The following COP1 variants were observed in gnomAD, a reference collection of about 807,000 sequenced individuals.
The protein encoded by COP1 is COP1 E3 ubiquitin ligase.
In COP1, 24 loss-of-function variants were observed where a neutral mutation model predicts 101.3. The observed-to-expected ratio is 0.24, with a 90% CI of 0.17 to 0.33. The LOEUF (loss-of-function observed/expected upper bound fraction) is 0.33, where lower values mean the gene tolerates loss of function less well. Among genes scored for constraint, COP1 ranks in the 10% least tolerant of loss-of-function variants. The probability of loss-of-function intolerance (pLI) is 1.00; values close to 1 mark genes in which losing one functional copy is unlikely to be tolerated. For synonymous variants in COP1, 347 were observed against 341.9 expected (o/e 1.01, Z -0.17); for missense variants, 663 against 906.2 (o/e 0.73, Z 3.45).
At chr1:176,140,924 A>G (rs1170059744) in intron 6 of COP1, among the ~76,000 whole-genome samples, 1 of 152,172 alleles carries the variant, frequency 6.6e-6, no homozygotes, top group Admixed American at 6.5e-5. Flanking sequence ...CCAAAGCCCA[A>G]AGAAAACTTT....
At chr1:175,994,675 A>G (rs1659622682) in intron 15 of COP1, among the ~76,000 whole-genome samples, 1 of 152,244 alleles carries the variant, frequency 6.6e-6, no homozygotes, top group Non-Finnish European at 1.5e-5. Flanking sequence ...TAAAGAAATC[A>G]ATTCAACAAG....
chr1:176,008,065 G>A (rs558098183), intron 15 of COP1, among the ~76,000 whole-genome samples: 1 of 152,064 alleles, frequency 6.6e-6, no homozygotes, highest in Non-Finnish European at 1.5e-5. Flanking sequence ...TTTTTAAGCC[G>A]GTCGGAAAAG....
At position 175,998,083 on chromosome 1, in the gene COP1, A is replaced by G. The variant is rs1332058187; in HGVS notation, c.1730-8604T>C. Among the ~76,000 whole-genome samples the G allele has an allele frequency of 9.0e-5, 13 of 144,578 alleles. No individual in the cohort carries two copies. In the East Asian group the frequency reaches 1.6e-3, roughly 18 times the overall value. The allele number at this position is 144,578 out of a possible 152,430, so 94.8% of individuals were successfully genotyped here. A position where few individuals can be genotyped will look rare whatever the true frequency, so the allele number is the denominator to read the frequency against. On this transcript the variant is annotated intron_variant, in intron 15 of 19. Transcript: ENST00000367669. ...ATAATTAAAAAAAAAAAAAAAAAAAAAAAAAAAGAAAATGTGGCACATATA... is the reference window on the plus strand; with the variant it reads ...ATAATTAAAAAAAAAAAAAAAAAAAGAAAAAAAGAAAATGTGGCACATATA...
At chr1:176,025,242 G>A (rs1277310702) in intron 15 of COP1, among the ~76,000 whole-genome samples, 1 of 152,064 alleles carries the variant, frequency 6.6e-6, no homozygotes, top group Non-Finnish European at 1.5e-5. Flanking sequence ...AAATAGATGG[G>A]GGAGGATGCT....
intron 18 of COP1, among the ~76,000 whole-genome samples, chr1:175,955,926 A>C: frequency 6.6e-6 from 1 of 152,164 alleles, no homozygotes; most frequent in Non-Finnish European, 1.5e-5. Flanking sequence ...TTCTTCTTAC[A>C]TTATCTATAG....
At chr1:176,202,054 T>G (rs1033169104) in intron 1 of COP1, among the ~76,000 whole-genome samples, 1 of 152,182 alleles carries the variant, frequency 6.6e-6, no homozygotes, top group African/African-American at 2.4e-5. Context: ...CAGAGGAAAT[T>G]CAGTCCTATA....
intron 1 of COP1, among the ~76,000 whole-genome samples, chr1:176,202,327 C>T (rs893274692): frequency 6.6e-6 from 1 of 151,574 alleles, no homozygotes; most frequent in Non-Finnish European, 1.5e-5. Context: ...GTAGCTGGGA[C>T]TACAGGCACA....
At chr1:176,026,786 ATAT>A (rs1180036098) in intron 15 of COP1, among the ~76,000 whole-genome samples, 3 of 152,042 alleles carry the variant, frequency 2.0e-5, no homozygotes, top group Non-Finnish European at 4.4e-5. Flanking sequence ...TAAAACCCTG[ATAT>A]TATTAATAAA....
intron 9 of COP1, among the ~76,000 whole-genome samples, chr1:176,088,046 C>A (rs939567497): frequency 6.6e-6 from 1 of 151,988 alleles, no homozygotes; most frequent in Admixed American, 6.6e-5. Flanking sequence ...TAGGTGGGAA[C>A]TGAACAATGA....
chr1:176,195,087 A>G (rs1699514826), intron 1 of COP1, among the ~76,000 whole-genome samples: 1 of 150,980 alleles, frequency 6.6e-6, no homozygotes, highest in Non-Finnish European at 1.5e-5. Flanking sequence ...ACCCTGTCTC[A>G]AAGAAGAGAA....
intron 15 of COP1, among the ~76,000 whole-genome samples, chr1:175,998,145 G>A (rs1245322742): frequency 7.0e-6 from 1 of 142,932 alleles, no homozygotes; most frequent in Admixed American, 7.0e-5. Flanking sequence ...AAAATGATGA[G>A]TTCATGTCCT....
intron 3 of COP1, among the ~76,000 whole-genome samples, chr1:176,172,261 C>A (rs1047666199): frequency 1.9e-4 from 29 of 152,182 alleles, no homozygotes; most frequent in African/African-American, 6.3e-4. Flanking sequence ...AGACTGGTCG[C>A]AAACTCATGG....
intron 18 of COP1, among the ~76,000 whole-genome samples, chr1:175,950,214 TAAAAA>T (rs55821760): frequency 1.4e-5 from 2 of 145,056 alleles, no homozygotes; most frequent in African/African-American, 5.0e-5. Flanking sequence ...CTTTATGTGT[TAAAAA>T]AAAAAAAAGT....
intron 9 of COP1, among the ~76,000 whole-genome samples, chr1:176,090,938 T>A (rs2039233): frequency 6.6e-6 from 1 of 152,162 alleles, no homozygotes; most frequent in African/African-American, 2.4e-5. Flanking sequence ...AACCCACAGT[T>A]AGACACACTA....
chr1:176,048,998 C>T (rs1672011443), intron 11 of COP1, among the ~76,000 whole-genome samples: 1 of 150,472 alleles, frequency 6.6e-6, no homozygotes, highest in African/African-American at 2.5e-5. Flanking sequence ...AGGTGAAACC[C>T]CGTCTCTACT....
intron 15 of COP1, among the ~76,000 whole-genome samples, chr1:175,999,569 C>A (rs747191106): frequency 2.4e-4 from 36 of 152,028 alleles, no homozygotes; most frequent in Non-Finnish European, 4.6e-4. Context: ...CCGCAAAAAA[C>A]ATGGGAATGC....
rs1239580179 is a variant in COP1 at position 175,951,461 on chromosome 1, T to A, written c.2134-4222A>T. ...GAATATATATATATATATATATATA[T>A]AAAAACTTCCATTTTTGGCCATAAC... On this transcript the variant is annotated intron_variant, in intron 18 of 19. Coordinates refer to ENST00000367669, the MANE Select transcript of COP1 (RefSeq NM_022457.7). Among the ~76,000 whole-genome samples the A allele has an allele frequency of 4.2e-4, 23 of 54,938 alleles. 1 individual carries two copies. Among genetic ancestry groups the A allele is most frequent in the African/African-American group, 1.0e-3 (21 of 20,280 alleles). 36.0% of individuals were successfully genotyped at this position (54,938 alleles called of 152,430 possible).
chr1:176,158,237 C>T (rs1409458836), intron 5 of COP1, among the ~76,000 whole-genome samples: 2 of 152,084 alleles, frequency 1.3e-5, no homozygotes, highest in Non-Finnish European at 2.9e-5. Context: ...TGAAACAATG[C>T]TAGGAGACAG....
At chr1:176,172,586 T>A (rs909088935) in intron 3 of COP1, among the ~76,000 whole-genome samples, 2 of 152,158 alleles carry the variant, frequency 1.3e-5, no homozygotes, top group African/African-American at 2.4e-5. Context: ...CAGAATCATA[T>A]AACATATGCT....
Sources: gnomAD v4.1 joint callset for allele counts (sites outside exome capture counted in the v4.1 genomes callset) on GRCh38, gnomAD v4.1.1 for gene constraint, MANE v1.5 for transcripts, NCBI Gene and HGNC (gene_info 2026-07-23, HGNC 2026-07-21) for gene names.